COL13A1: variants seen among roughly 807,000 people sequenced by gnomAD.
COL13A1 encodes the protein collagen type XIII alpha 1 chain.
A neutral mutation model predicts 130.9 loss-of-function variants in COL13A1; 89 were observed. That is an observed-to-expected ratio of 0.68 (90% CI 0.57 to 0.81). COL13A1 has a LOEUF of 0.81. Ranked by LOEUF, COL13A1 falls within the 30% of genes least tolerant of loss-of-function variation. The pLI is 0.00. For synonymous variants in COL13A1, 402 were observed against 341.6 expected, an observed-to-expected ratio of 1.18 and a Z score of -1.95; for missense variants, 879 against 934.6, an observed-to-expected ratio of 0.94 and a Z score of 0.78.
intron 21 of COL13A1, among the ~76,000 whole-genome samples, chr10:69,920,234 C>T (rs944776314): frequency 7.2e-5 from 11 of 152,226 alleles, no homozygotes; most frequent in African/African-American, 2.7e-4. Flanking sequence ...TCTGTGGCTC[C>T]CACTGGAATG....
chr10:69,909,506 G>T (rs180929024), intron 17 of COL13A1, among the ~76,000 whole-genome samples: 142 of 152,348 alleles, frequency 9.3e-4, no homozygotes, highest in Non-Finnish European at 1.8e-3. Context: ...GCCCATGGCT[G>T]GTCTGGGCAC....
intron 8 of COL13A1, among the ~76,000 whole-genome samples, 185 bp downstream of exon 8, chr10:69,887,676 G>A (rs1410455678): frequency 6.6e-6 from 1 of 152,194 alleles, no homozygotes; most frequent in Non-Finnish European, 1.5e-5. Context: ...AGGTCATGAT[G>A]CAAGGAATAA....
intron 28 of COL13A1, 103 bp from the exon 29 acceptor site, chr10:69,929,940 A>C: frequency 1.0e-6 from 1 of 961,670 alleles, no homozygotes; most frequent in Non-Finnish European, 1.7e-6. Context: ...AGCAAACTCT[A>C]TGGGAAAGTG....
Position 69,933,153 on chromosome 10 carries a change from A to C in COL13A1, c.1728+549A>C, listed in dbSNP as rs866308763. 2.1e-3 allele frequency among the ~76,000 whole-genome samples: 304 copies of C among 148,028 alleles called. 1 individual carries two copies. The highest frequency in any genetic ancestry group is 9.8e-3 in the South Asian group (46 of 4,680). On this transcript the variant is annotated intron_variant, in intron 31 of 40. Transcript: ENST00000645393. ...TCTGCCTCAAAAAAAAAAAAAAAAAAAAAAAAAAAAAAAACAGAACCATCC... is the reference window on the plus strand; with the variant it reads ...TCTGCCTCAAAAAAAAAAAAAAAAACAAAAAAAAAAAAAACAGAACCATCC...
intron 1 of COL13A1, among the ~76,000 whole-genome samples, chr10:69,809,019 C>G (rs893599015): frequency 1.3e-5 from 2 of 152,190 alleles, no homozygotes; most frequent in Non-Finnish European, 2.9e-5. Context: ...GCACCCACCC[C>G]CTCCCATCCT....
intron 14 of COL13A1, among the ~76,000 whole-genome samples, chr10:69,902,094 A>G (rs1443910676): frequency 1.3e-5 from 2 of 152,336 alleles, no homozygotes; most frequent in East Asian, 3.9e-4. Flanking sequence ...CTTAACAGGC[A>G]GCCACTCCTT....
intron 2 of COL13A1, among the ~76,000 whole-genome samples, chr10:69,864,442 T>G (rs2133905133): frequency 6.6e-6 from 1 of 152,350 alleles, no homozygotes; most frequent in Admixed American, 6.5e-5. Flanking sequence ...AGGAAACTGT[T>G]GGCTTCTCAG....
intron 2 of COL13A1, among the ~76,000 whole-genome samples, chr10:69,848,458 C>T (rs1175661390): frequency 6.6e-6 from 1 of 152,114 alleles, no homozygotes; most frequent in Non-Finnish European, 1.5e-5. Flanking sequence ...AGAAACTTGC[C>T]TGGGGCTCTG....
chr10:69,912,502 A>G (rs1359724101), intron 17 of COL13A1, among the ~76,000 whole-genome samples: 2 of 152,086 alleles, frequency 1.3e-5, no homozygotes, highest in Non-Finnish European at 2.9e-5. Flanking sequence ...TGGCCTAGGG[A>G]AAAGACCCTG....
intron 17 of COL13A1, among the ~76,000 whole-genome samples, chr10:69,906,651 G>A (rs2062783973): frequency 6.6e-6 from 1 of 152,046 alleles, no homozygotes; most frequent in Admixed American, 6.6e-5. Context: ...AGTCAGTGTG[G>A]GAAGAGTCTT....
At chr10:69,838,573 C>T (rs1850729273) in intron 2 of COL13A1, among the ~76,000 whole-genome samples, 1 of 152,230 alleles carries the variant, frequency 6.6e-6, no homozygotes, top group African/African-American at 2.4e-5. Context: ...CAGGCCAGGA[C>T]TCTCTTGACC....
intron 2 of COL13A1, among the ~76,000 whole-genome samples, chr10:69,826,846 G>A (rs149663639): frequency 2.0e-5 from 3 of 152,164 alleles, no homozygotes; most frequent in African/African-American, 4.8e-5. Flanking sequence ...CAGATGCTTC[G>A]GTTCTTGCCA....
intron 15 of COL13A1, among the ~76,000 whole-genome samples, chr10:69,904,122 A>C (rs1229772570): frequency 6.6e-6 from 1 of 152,152 alleles, no homozygotes; most frequent in Non-Finnish European, 1.5e-5. Context: ...GGAAAACCTG[A>C]AAGGAAGGGA....
chr10:69,952,318 C>A (rs886769798), intron 38 of COL13A1, among the ~76,000 whole-genome samples: 4 of 152,240 alleles, frequency 2.6e-5, no homozygotes, highest in Non-Finnish European at 5.9e-5. Context: ...GGCACACACA[C>A]ACATATACAC....
chr10:69,862,717 C>T (rs979577882), intron 2 of COL13A1, among the ~76,000 whole-genome samples: 4 of 152,174 alleles, frequency 2.6e-5, no homozygotes, highest in African/African-American at 9.7e-5. Flanking sequence ...GGGAGGCAGG[C>T]AGACCTGGGG....
intron 2 of COL13A1, among the ~76,000 whole-genome samples, chr10:69,846,287 G>A (rs1451215422): frequency 6.6e-6 from 1 of 152,198 alleles, no homozygotes. Context: ...AGGGGCTGGG[G>A]GAGAGTGTCC....
chr10:69,804,809 CAAAAAAAAAAAAAAAAAAAAA>C (rs57098368), intron 1 of COL13A1, among the ~76,000 whole-genome samples: 3 of 75,378 alleles, frequency 4.0e-5, no homozygotes, highest in Non-Finnish European at 4.7e-5. Context: ...ATGTCGTGTG[CAAAAAAAAAAAAAAAAAAAAA>C]AAAAAAAAAA....
chr10:69,918,747 C>A (rs954016371), intron 19 of COL13A1, among the ~76,000 whole-genome samples: 6 of 152,230 alleles, frequency 3.9e-5, no homozygotes, highest in Non-Finnish European at 8.8e-5. Flanking sequence ...ATCTTCACAG[C>A]AGGTGCACTT....
At chr10:69,903,608 A>G (rs117139184) in intron 15 of COL13A1, among the ~76,000 whole-genome samples, 3,815 of 152,340 alleles carry the variant, frequency 0.025, 79 homozygotes, top group South Asian at 0.075. Context: ...CCGTAAGACT[A>G]ATGTTATTGG....
Sources: allele counts gnomAD v4.1 joint callset (sites outside exome capture counted in the v4.1 genomes callset), GRCh38; gene constraint gnomAD v4.1.1; transcripts MANE v1.5; gene names NCBI Gene and HGNC (gene_info 2026-07-23, HGNC 2026-07-21).